Variants in ACP3 observed in about 807,000 individuals in gnomAD.
ACP3 encodes acid phosphatase 3.
A neutral mutation model predicts 45.6 loss-of-function variants in ACP3; 38 were observed. That is an observed-to-expected ratio of 0.83 (90% confidence interval 0.64 to 1.09). The LOEUF (loss-of-function observed/expected upper bound fraction) is 1.09, where lower values mean the gene tolerates loss of function less well. Among genes scored for constraint, ACP3 ranks in the 50% least tolerant of loss-of-function variants. The pLI, the probability that ACP3 is intolerant of heterozygous loss-of-function variation, is 0.00. For synonymous variants in ACP3, 162 were observed against 164.7 expected (o/e 0.98, Z 0.13); for missense variants, 466 against 463.2 (o/e 1.01, Z -0.05).
At chr3:132,332,400 G>A (rs1283527745) in intron 4 of ACP3, 56 bp downstream of exon 4, 2 of 1,597,690 alleles carry the variant, frequency 1.3e-6, no homozygotes, top group East Asian at 4.5e-5. Context: ...GAGGAAGGCA[G>A]GCTACTCAAC....
intron 8 of ACP3, among the ~76,000 whole-genome samples, chr3:132,352,422 T>C (rs1410302069): frequency 6.6e-6 from 1 of 150,534 alleles, no homozygotes; most frequent in African/African-American, 2.4e-5. Context: ...GGTCTCGAAC[T>C]CCTGACCTCA....
At chr3:132,320,928 G>A (rs1371420581) in intron 1 of ACP3, among the ~76,000 whole-genome samples, 1 of 152,180 alleles carries the variant, frequency 6.6e-6, no homozygotes, top group Non-Finnish European at 1.5e-5. Context: ...TGAGATTACA[G>A]GCGTGAGCCA....
chr3:132,367,026 T>C (rs1291955410), intron 10 of ACP3, among the ~76,000 whole-genome samples: 1 of 152,182 alleles, frequency 6.6e-6, no homozygotes, highest in Non-Finnish European at 1.5e-5. Context: ...TGAAAAGACA[T>C]ACATTTAGAG....
intron 1 of ACP3, among the ~76,000 whole-genome samples, chr3:132,317,966 C>T (rs1437864520): frequency 6.6e-6 from 1 of 152,216 alleles, no homozygotes; most frequent in Non-Finnish European, 1.5e-5. Context: ...AGCCAAAAAA[C>T]AGTCATTTTC....
intron 9 of ACP3, among the ~76,000 whole-genome samples, chr3:132,355,390 T>C (rs1286814467): frequency 6.6e-6 from 1 of 152,172 alleles, no homozygotes; most frequent in Non-Finnish European, 1.5e-5. Flanking sequence ...CAGAAGATGC[T>C]GTTACTGAAA....
At chr3:132,361,950 C>A (rs1024483710), downstream of ACP3, among the ~76,000 whole-genome samples, 2 of 152,122 alleles carry the variant, frequency 1.3e-5, no homozygotes, top group African/African-American at 4.8e-5. Flanking sequence ...CCTTATACTA[C>A]GAAAATGCCC....
At chr3:132,328,548 G>T (rs777595866) in intron 2 of ACP3, among the ~76,000 whole-genome samples, 186 bp downstream of exon 2, 1 of 151,946 alleles carries the variant, frequency 6.6e-6, no homozygotes, top group Non-Finnish European at 1.5e-5. Flanking sequence ...GATTGGTGGT[G>T]GGCACCTGTA....
At chr3:132,320,099 T>G (rs913366412) in intron 1 of ACP3, among the ~76,000 whole-genome samples, 2 of 152,218 alleles carry the variant, frequency 1.3e-5, no homozygotes, top group African/African-American at 4.8e-5. Context: ...TGGGTTAAAC[T>G]GTGTTTAAAA....
chr3:132,326,073 T>C (rs373942726), intron 1 of ACP3, among the ~76,000 whole-genome samples: 1 of 152,294 alleles, frequency 6.6e-6, no homozygotes, highest in African/African-American at 2.4e-5. Flanking sequence ...TCAGTGGCTC[T>C]CAACTTGGGG....
chr3:132,342,590 T>C lies in ACP3; in HGVS notation c.594T>C (p.His198=). 1 of 1,613,164 alleles carries C rather than the reference T, an allele frequency of 6.2e-7. No individual in the cohort carries two copies. Among genetic ancestry groups the C allele is most frequent in the Middle Eastern group, 1.7e-4 (1 of 6,060 alleles). The change falls in exon 6 of 10, where the codon CAT becomes CAC. Residue 198 remains histidine (H), a synonymous_variant. Coordinates refer to ENST00000336375, the MANE Select transcript of ACP3 (RefSeq NM_001099.5). ...IATLGKLSGL[H]GQDLFGIWSK... is the part of the protein sequence containing the mutation. Reference sequence around the variant, plus strand: ...CCTTGGGAAAACTTTCAGGATTACATGGCCAGGACCTTTTTGGAATTTGGA... The same window carrying C: ...CCTTGGGAAAACTTTCAGGATTACACGGCCAGGACCTTTTTGGAATTTGGA...
At chr3:132,320,302 C>T (rs1459766716) in intron 1 of ACP3, among the ~76,000 whole-genome samples, 1 of 152,088 alleles carries the variant, frequency 6.6e-6, no homozygotes, top group Admixed American at 6.5e-5. Context: ...TGGAAAGAAT[C>T]GTAAATATGG....
At chr3:132,367,839 G>T (rs781124076) in exon 11 of ACP3, 1 of 1,566,808 alleles carries the variant, frequency 6.4e-7, no homozygotes, top group South Asian at 1.1e-5. Context: ...AGCTGGATAA[G>T]CCAGGCCAAC....
At chr3:132,330,874 C>A (rs922392594) in intron 2 of ACP3, among the ~76,000 whole-genome samples, 1 of 152,154 alleles carries the variant, frequency 6.6e-6, no homozygotes, top group Non-Finnish European at 1.5e-5. Context: ...TGTCAGGGCC[C>A]CACTCAGGAA....
At chr3:132,338,689 G>C (rs544617705) in intron 5 of ACP3, among the ~76,000 whole-genome samples, 31 of 152,278 alleles carry the variant, frequency 2.0e-4, no homozygotes, top group Middle Eastern at 3.4e-3. Context: ...TGCCAATCTG[G>C]TAAGTGGAAA....
chr3:132,363,494 G>A (rs1467197213), downstream of ACP3, among the ~76,000 whole-genome samples: 1 of 152,140 alleles, frequency 6.6e-6, no homozygotes, highest in African/African-American at 2.4e-5. Context: ...TAATTCTACT[G>A]CATCTCTTGA....
intron 7 of ACP3, 30 bp from the exon 8 acceptor site, chr3:132,349,890 C>T (rs1190954752): frequency 6.7e-7 from 1 of 1,487,724 alleles, no homozygotes. Flanking sequence ...ATGTTTGGTT[C>T]AGTTTGGTTA....
chr3:132,340,152 A>G (rs906567507), intron 5 of ACP3, among the ~76,000 whole-genome samples: 1 of 152,074 alleles, frequency 6.6e-6, no homozygotes, highest in African/African-American at 2.4e-5. Flanking sequence ...TGTCTCTACT[A>G]GAAACACAAA....
At chr3:132,343,833 C>G (rs1471750807) in intron 6 of ACP3, among the ~76,000 whole-genome samples, 1 of 152,148 alleles carries the variant, frequency 6.6e-6, no homozygotes, top group Non-Finnish European at 1.5e-5. Context: ...AGGCTTTCCT[C>G]AAGAGTCAGT....
Position 132,356,703 on chromosome 3 carries a change from T to C in ACP3, c.986T>C (p.Met329Thr). ...YFEKGEYFVE[M>T]YYRNETQHEP... ...TCTGCCAGGGAGTACTTTGTGGAGA[T>C]GTACTATCGGAATGAGACGCAGCAC... The change falls in exon 10 of 10, where the codon ATG becomes ACG. Residue 329 changes from methionine to threonine, a missense_variant. By Grantham distance (81) the Met-to-Thr change is moderately conservative. Transcript: ENST00000336375. 6.2e-7 allele frequency: 1 copy of C among 1,614,068 alleles called. No homozygotes were observed. Among genetic ancestry groups the C allele is most frequent in the Non-Finnish European group, 8.5e-7 (1 of 1,180,008 alleles).
Sources: gnomAD v4.1 joint callset for allele counts (sites outside exome capture counted in the v4.1 genomes callset) on GRCh38, gnomAD v4.1.1 for gene constraint, MANE v1.5 for transcripts, NCBI Gene and HGNC (gene_info 2026-07-23, HGNC 2026-07-21) for gene names.